TUBA8: variants seen among roughly 807,000 people sequenced by gnomAD.
TUBA8 encodes the protein tubulin alpha 8.
TUBA8 carries 29 observed loss-of-function variants against 34.7 expected under a neutral mutation model. The ratio of observed to expected loss-of-function variants is 0.84; its 90% CI spans 0.62 to 1.14. The LOEUF (loss-of-function observed/expected upper bound fraction) is 1.14, where lower values mean the gene tolerates loss of function less well. TUBA8 is among the 50% of genes most tolerant of loss of function. TUBA8 has a pLI of 0.00. For missense variants in TUBA8, 541 were observed against 599.2 expected (o/e 0.90, Z 1.01); for synonymous variants, 226 against 231.2 (o/e 0.98, Z 0.21).
At position 18,126,554 on chromosome 22, in the gene TUBA8, C is replaced by T. The variant is rs746117594; in HGVS notation, c.576C>T (p.His192=). The T allele has an allele frequency of 8.7e-6, 14 of 1,614,198 alleles. No homozygotes were observed. Among genetic ancestry groups the T allele is most frequent in the Middle Eastern group, 3.3e-4 (2 of 6,062 alleles). Residue 192 remains histidine, a synonymous_variant, in exon 4 of 5, where the codon CAC becomes CAT. Transcript: ENST00000330423. The surrounding 1 kb of genome is among the most constrained non-coding windows in gnomAD (Gnocchi z 4.0). ...VEPYNSILTT[H]TTLEHSDCAF... The stretch of plus-strand genomic sequence containing the variant: ...CCTACAACTCCATCCTGACCACCCA[C>T]ACCACACTGGAACATTCAGATTGTG...
intron 1 of TUBA8, chr22:18,116,818 G>C (rs1045367773): frequency 2.0e-5 from 3 of 152,314 alleles, no homozygotes; most frequent in Non-Finnish European, 4.4e-5. Context: ...CCGGGAGCTC[G>C]ATGCGGGAGC....
intron 4 of TUBA8, chr22:18,128,342 G>T (rs958523855): frequency 1.3e-5 from 2 of 152,100 alleles, no homozygotes; most frequent in Non-Finnish European, 2.9e-5. Context: ...ACAAAATAGC[G>T]AGGGTAGACC....
At chr22:18,115,943 C>G (rs187733797) in intron 1 of TUBA8, 1 of 152,252 alleles carries the variant, frequency 6.6e-6, no homozygotes, top group South Asian at 2.1e-4. Flanking sequence ...CAAGGGACCC[C>G]CTCCCCTCAC....
rs774116816 is a variant in TUBA8, at chr22:18,126,769, G to C, written c.791G>C (p.Arg264Pro). 2 of 1,613,874 alleles carry C rather than the reference G, an allele frequency of 1.2e-6. No homozygotes were observed. Among genetic ancestry groups the C allele is most frequent in the Non-Finnish European group, 1.7e-6 (2 of 1,179,980 alleles). The stretch of plus-strand genomic sequence containing the variant: ...CAGACCAACCTGGTGCCCTACCCCC[G>C]CATCCACTTCCCGCTGGTCACCTAC... ...EFQTNLVPYP[R>P]IHFPLVTYAP... is the part of the protein sequence containing the mutation. Residue 264 changes from arginine to proline, a missense_variant, in exon 4 of 5, where the codon CGC (arginine) becomes CCC (proline). Arg to Pro is a moderately radical substitution (Grantham distance 103, BLOSUM62 -2). Coordinates refer to ENST00000330423, the MANE Select transcript of TUBA8 (RefSeq NM_018943.3). This position sits in a 1 kb window ranked among gnomAD's most constrained non-coding sequence, Gnocchi z 4.0.
Position 18,121,535 on chromosome 22 carries a change from C to G in TUBA8, c.60C>G (p.Cys20Trp). The change falls in exon 2 of 5, where the codon TGC becomes TGG. Residue 20 changes from cysteine to tryptophan, a missense_variant. By Grantham distance (215) the Cys-to-Trp change is radical (BLOSUM62 -2). Coordinates refer to ENST00000330423, the MANE Select transcript of TUBA8 (RefSeq NM_018943.3). This position sits in a 1 kb window ranked among gnomAD's most constrained non-coding sequence, Gnocchi z 4.8. ...GQAGVQIGNACWELFCLEHGI... is the reference protein window; with the variant it reads ...GQAGVQIGNAWWELFCLEHGI... ...CGGGAGTTCAGATTGGCAATGCCTG[C>G]TGGGAGCTCTTCTGCCTGGAACACG... 6.2e-7 allele frequency: 1 copy of G among 1,614,222 alleles called. No individual in the cohort carries two copies. Among genetic ancestry groups the G allele is most frequent in the Non-Finnish European group, 8.5e-7 (1 of 1,180,042 alleles).
Position 18,126,760 on chromosome 22 carries a change from C to T in TUBA8, c.782C>T (p.Pro261Leu), listed in dbSNP as rs1481976901. Residue 261 changes from proline to leucine, a missense_variant, in exon 4 of 5, where the codon CCC (proline) becomes CTC (leucine). By Grantham distance (98) the Pro-to-Leu change is moderately conservative (BLOSUM62 -3). Transcript: ENST00000330423. The surrounding 1 kb of genome is among the most constrained non-coding windows in gnomAD (Gnocchi z 4.0). ...DLTEFQTNLVPYPRIHFPLVT... is the reference protein window; with the variant it reads ...DLTEFQTNLVLYPRIHFPLVT... The stretch of plus-strand genomic sequence containing the variant: ...ACTGAGTTCCAGACCAACCTGGTGC[C>T]CTACCCCCGCATCCACTTCCCGCTG... 5.6e-6 allele frequency: 9 copies of T among 1,614,080 alleles called. No homozygotes were observed. The highest frequency in any genetic ancestry group is 7.6e-6 in the Non-Finnish European group (9 of 1,180,024).
chr22:18,127,109 A>G (rs1026007204), intron 4 of TUBA8, 75 bp downstream of exon 4: 41 of 1,498,616 alleles, frequency 2.7e-5, no homozygotes, highest in Middle Eastern at 3.5e-4. Flanking sequence ...ATGCAATTCC[A>G]TGGGCGCTTC....
chr22:18,130,589 A>C, intron 4 of TUBA8: 8 of 497,804 alleles, frequency 1.6e-5, no homozygotes, highest in Admixed American at 3.4e-5. Flanking sequence ...GGGCCTGGCT[A>C]ATTTTTTTTT....
chr22:18,123,057 C>T, intron 2 of TUBA8: 1 of 131,736 alleles, frequency 7.6e-6, no homozygotes, highest in African/African-American at 3.0e-5. Context: ...TTGCAGTGAG[C>T]CGAGATCGCG....
In TUBA8 at chr22:18,111,350, C is replaced by G. The variant is rs1208493741; in HGVS notation, c.3+482C>G. 6.1e-6 allele frequency: 1 copy of G among 165,022 alleles called. No individual in the cohort carries two copies. The highest frequency in any genetic ancestry group is 1.3e-5 in the Non-Finnish European group (1 of 76,158). 10.2% of individuals were successfully genotyped at this position (165,022 alleles called of 1,614,324 possible). ...CCTAGGGCGCCACGGTCCCCCCACG[C>G]GTGGAGGTCTTTCTCGCAAGCCTGG... is the stretch of plus-strand genomic sequence containing the variant. On this transcript the variant is annotated intron_variant, in intron 1 of 4. Transcript: ENST00000330423. This position sits in a 1 kb window ranked among gnomAD's most constrained non-coding sequence, Gnocchi z 5.1.
At position 18,127,401 on chromosome 22, in the gene TUBA8, T is replaced by G. The variant is rs186015279; in HGVS notation, c.1056+367T>G. 239 of 195,614 alleles carry G rather than the reference T, an allele frequency of 1.2e-3. 1 individual carries two copies. The highest frequency in any genetic ancestry group is 5.1e-3 in the African/African-American group (211 of 41,592). 12.1% of individuals were successfully genotyped at this position (195,614 alleles called of 1,614,324 possible). ...TTGCCTAACGTTAGTTTTGTTTTTT[T>G]TTTTTTTTTTGAGACGGAGTCTCAC... On this transcript the variant is annotated intron_variant, in intron 4 of 4. Coordinates refer to ENST00000330423, the MANE Select transcript of TUBA8 (RefSeq NM_018943.3).
At position 18,124,117 on chromosome 22, in the gene TUBA8, C is replaced by T; in HGVS notation, c.227-39C>T. The T allele has an allele frequency of 1.2e-6, 2 of 1,613,686 alleles. No individual in the cohort carries two copies. ...GTGTGGTAGGGAGGGAGGCTTCTCC[C>T]CTGGGCAGTAGGACCTAATGGTCTT... On this transcript the variant is annotated intron_variant, in intron 2 of 4. Transcript: ENST00000330423. The surrounding 1 kb of genome is among the most constrained non-coding windows in gnomAD (Gnocchi z 4.3).
rs1167009265 is a variant in TUBA8, at chr22:18,131,221, G to A, written c.*85G>A. ...TTCAAGAGAACAGAACACTCTCCCC[G>A]CCCCAGCCTGATTCCTGCCTTACCC... is the stretch of plus-strand genomic sequence containing the variant. On this transcript the variant is annotated 3_prime_UTR_variant, in exon 5 of 5. Coordinates refer to ENST00000330423, the MANE Select transcript of TUBA8 (RefSeq NM_018943.3). This position sits in a 1 kb window ranked among gnomAD's most constrained non-coding sequence, Gnocchi z 5.3. 26 of 1,451,982 alleles carry A rather than the reference G, an allele frequency of 1.8e-5. No homozygotes were observed. Among genetic ancestry groups the A allele is most frequent in the East Asian group, 1.2e-4 (5 of 42,994 alleles). 89.9% of individuals were successfully genotyped at this position (1,451,982 alleles called of 1,614,324 possible).
chr22:18,111,728 C>T lies in TUBA8; in HGVS notation c.3+860C>T, dbSNP rs1333836332. 2.0e-5 allele frequency: 3 copies of T among 152,184 alleles called. No individual in the cohort carries two copies. Among genetic ancestry groups the T allele is most frequent in the Non-Finnish European group, 4.4e-5 (3 of 68,060 alleles). The allele number at this position is 152,184 out of a possible 1,614,324, so 9.4% of individuals were successfully genotyped here. A position where few individuals can be genotyped will look rare whatever the true frequency, so the allele number is the denominator to read the frequency against. ...CAGGAATCCCTCCTGGACCCCTGATCTTTCAGCAGTAGGGAGATGGGCTGG... is the reference window on the plus strand; with the variant it reads ...CAGGAATCCCTCCTGGACCCCTGATTTTTCAGCAGTAGGGAGATGGGCTGG... On this transcript the variant is annotated intron_variant, in intron 1 of 4. Coordinates refer to ENST00000330423, the MANE Select transcript of TUBA8 (RefSeq NM_018943.3). This position sits in a 1 kb window ranked among gnomAD's most constrained non-coding sequence, Gnocchi z 5.1.
chr22:18,121,543 T>A lies in TUBA8; in HGVS notation c.68T>A (p.Leu23His), dbSNP rs1928147600. Residue 23 changes from leucine (L) to histidine (H), a missense_variant, in exon 2 of 5, where the codon CTC becomes CAC. Transcript: ENST00000330423. The surrounding 1 kb of genome is among the most constrained non-coding windows in gnomAD (Gnocchi z 4.8). The stretch of plus-strand genomic sequence containing the variant: ...CAGATTGGCAATGCCTGCTGGGAGC[T>A]CTTCTGCCTGGAACACGGCATCCAG... ...GVQIGNACWE[L>H]FCLEHGIQAD... 6.2e-7 allele frequency: 1 copy of A among 1,614,168 alleles called. No individual in the cohort carries two copies. Among genetic ancestry groups the A allele is most frequent in the Non-Finnish European group, 8.5e-7 (1 of 1,180,032 alleles).
At position 18,119,130 on chromosome 22, in the gene TUBA8, C is replaced by A. The variant is rs1377857650; in HGVS notation, c.4-2349C>A. Reference sequence around the variant, plus strand: ...GAAGGAAAATACATAGGATCAGGCCCCCCTCGGGCCTCTCCAGTGTCCCCT... The same window carrying A: ...GAAGGAAAATACATAGGATCAGGCCACCCTCGGGCCTCTCCAGTGTCCCCT... On this transcript the variant is annotated intron_variant, in intron 1 of 4. Coordinates refer to ENST00000330423, the MANE Select transcript of TUBA8 (RefSeq NM_018943.3). This position sits in a 1 kb window ranked among gnomAD's most constrained non-coding sequence, Gnocchi z 5.9. 1 of 152,342 alleles carries A rather than the reference C, an allele frequency of 6.6e-6. No homozygotes were observed. The highest frequency in any genetic ancestry group is 2.1e-4 in the South Asian group (1 of 4,834). The allele number at this position is 152,342 out of a possible 1,614,324, so 9.4% of individuals were successfully genotyped here. A position where few individuals can be genotyped will look rare whatever the true frequency, so the allele number is the denominator to read the frequency against.
chr22:18,121,674 A>G lies in TUBA8; in HGVS notation c.199A>G (p.Met67Val). 6.2e-7 allele frequency: 1 copy of G among 1,614,214 alleles called. No homozygotes were observed. Among genetic ancestry groups the G allele is most frequent in the Non-Finnish European group, 8.5e-7 (1 of 1,180,030 alleles). Residue 67 changes from methionine (M) to valine (V), a missense_variant, in exon 2 of 5, where the codon ATG (methionine) becomes GTG (valine). Coordinates refer to ENST00000330423, the MANE Select transcript of TUBA8 (RefSeq NM_018943.3). The surrounding 1 kb of genome is among the most constrained non-coding windows in gnomAD (Gnocchi z 4.8). ...GNGKHVPRAVMIDLEPTVVDE... is the reference protein window; with the variant it reads ...GNGKHVPRAVVIDLEPTVVDE... ...TGGGAAGCATGTGCCCCGGGCCGTC[A>G]TGATAGATCTGGAGCCTACTGTAGT... is the stretch of plus-strand genomic sequence containing the variant.
Position 18,111,068 on chromosome 22 carries a change from A to G in TUBA8, c.3+200A>G. 1 of 731,890 alleles carries G rather than the reference A, an allele frequency of 1.4e-6. No homozygotes were observed. The highest frequency in any genetic ancestry group is 2.2e-6 in the Non-Finnish European group (1 of 445,042). 45.3% of individuals were successfully genotyped at this position (731,890 alleles called of 1,614,324 possible). On this transcript the variant is annotated intron_variant, in intron 1 of 4. Transcript: ENST00000330423. This position sits in a 1 kb window ranked among gnomAD's most constrained non-coding sequence, Gnocchi z 5.1. ...CCTTTATCGTATGGGGGAAATAGAG[A>G]CCAGGGGCCAGTTGTTCCTTAAAGG...
chr22:18,123,193 T>C (rs1356415003), intron 2 of TUBA8: 1 of 135,290 alleles, frequency 7.4e-6, no homozygotes, highest in African/African-American at 2.8e-5. Context: ...CCTGGAGGAG[T>C]CAAGGTGGAA....
Sources: gnomAD v4.1 joint callset for allele counts on GRCh38, gnomAD v4.1.1 for gene constraint, Gnocchi (gnomAD v3.1) non-coding constraint, MANE v1.5 for transcripts, NCBI Gene and HGNC (gene_info 2026-07-23, HGNC 2026-07-21) for gene names.